Variants in PIGL observed in about 807,000 individuals in gnomAD.
The protein encoded by PIGL is N-acetylglucosaminyl-phosphatidylinositol de-N-acetylase.
PIGL carries 22 observed loss-of-function variants against 31.1 expected under a neutral mutation model. That is an observed-to-expected ratio of 0.71 (90% CI 0.51 to 1.01). PIGL has a LOEUF of 1.01. Among genes scored for constraint, PIGL ranks in the 50% least tolerant of loss-of-function variants. The pLI, the probability that PIGL is intolerant of heterozygous loss-of-function variation, is 0.00. For synonymous variants in PIGL, 131 were observed against 117.4 expected, an observed-to-expected ratio of 1.12 and a Z score of -0.75; for missense variants, 302 against 315.9, an observed-to-expected ratio of 0.96 and a Z score of 0.33.
At chr17:16,251,927 G>A (rs752227201) in intron 2 of PIGL, among the ~76,000 whole-genome samples, 6 of 152,012 alleles carry the variant, frequency 3.9e-5, no homozygotes, top group Non-Finnish European at 5.9e-5. Context: ...ATGTGATTGA[G>A]AAATGCAGCC....
chr17:16,244,034 T>C (rs1026278845), intron 2 of PIGL, among the ~76,000 whole-genome samples: 2 of 152,182 alleles, frequency 1.3e-5, no homozygotes, highest in Non-Finnish European at 2.9e-5. Flanking sequence ...AGTCAGTTCC[T>C]GGGTGGGGGA....
intron 3 of PIGL, among the ~76,000 whole-genome samples, chr17:16,307,709 G>A (rs1248008082): frequency 6.6e-6 from 1 of 152,138 alleles, no homozygotes; most frequent in African/African-American, 2.4e-5. Context: ...TCTTATGCCT[G>A]GAATCCCAGC....
intron 1 of PIGL, among the ~76,000 whole-genome samples, chr17:16,218,772 G>A (rs748424081): frequency 6.8e-6 from 1 of 147,334 alleles, no homozygotes; most frequent in Non-Finnish European, 1.5e-5. Context: ...TCCACCACCC[G>A]GGTTCAAGTG....
At chr17:16,270,878 G>A (rs1011975601) in intron 2 of PIGL, among the ~76,000 whole-genome samples, 1 of 142,174 alleles carries the variant, frequency 7.0e-6, no homozygotes, top group Admixed American at 7.3e-5. Context: ...GTGCGACAGA[G>A]CGAGACTGTC....
intron 2 of PIGL, among the ~76,000 whole-genome samples, chr17:16,284,413 TC>T (rs1014315103): frequency 5.3e-5 from 8 of 152,162 alleles, no homozygotes; most frequent in African/African-American, 1.7e-4. Context: ...CAGCCCCTTC[TC>T]AAAACAAATC....
chr17:16,314,205 G>A (rs891273384), intron 4 of PIGL, among the ~76,000 whole-genome samples: 1 of 152,200 alleles, frequency 6.6e-6, no homozygotes, highest in Admixed American at 6.5e-5. Flanking sequence ...TACAAACATA[G>A]ATGTGTTTCC....
At position 16,268,653 on chromosome 17, in the gene PIGL, T is replaced by C. The variant is rs541030826; in HGVS notation, c.336-31235T>C. Among the ~76,000 whole-genome samples, 3 of 151,884 alleles carry C rather than the reference T, an allele frequency of 2.0e-5. No homozygotes were observed. In the South Asian group the frequency reaches 6.2e-4, roughly 32 times the overall value. ...TTAGTAGAGATGGGGTTTCACCATG[T>C]TGGCCAGGCTGGTCTCGAACTCCTG... is the stretch of plus-strand genomic sequence containing the variant. On this transcript the variant is annotated intron_variant, in intron 2 of 6. Coordinates refer to ENST00000225609, the MANE Select transcript of PIGL (RefSeq NM_004278.4).
intron 3 of PIGL, among the ~76,000 whole-genome samples, chr17:16,304,329 T>C (rs1225504221): frequency 2.6e-5 from 4 of 152,216 alleles, no homozygotes; most frequent in Non-Finnish European, 4.4e-5. Context: ...GCATAAGCTC[T>C]CCACCATCAT....
At chr17:16,281,899 G>A in intron 2 of PIGL, 1 of 331,604 alleles carries the variant, frequency 3.0e-6, no homozygotes, top group Non-Finnish European at 6.7e-6. Context: ...ACATGAAGCA[G>A]GCAAGCCAAA....
chr17:16,276,670 G>A (rs1174193815), intron 2 of PIGL, among the ~76,000 whole-genome samples: 1 of 152,200 alleles, frequency 6.6e-6, no homozygotes, highest in Non-Finnish European at 1.5e-5. Context: ...CTGGGAGGTG[G>A]AGGTTGCAGT....
chr17:16,243,648 A>G (rs1003006533), intron 2 of PIGL, among the ~76,000 whole-genome samples: 3 of 152,194 alleles, frequency 2.0e-5, no homozygotes, highest in African/African-American at 7.2e-5. Flanking sequence ...CTTCCTCCGT[A>G]AACCTCGAAA....
intron 2 of PIGL, among the ~76,000 whole-genome samples, chr17:16,250,918 C>T (rs2092768377): frequency 6.6e-6 from 1 of 152,168 alleles, no homozygotes; most frequent in African/African-American, 2.4e-5. Flanking sequence ...CATGCTTTCA[C>T]AAAGGCAGTC....
intron 2 of PIGL, among the ~76,000 whole-genome samples, chr17:16,243,776 A>G (rs907752833): frequency 2.0e-5 from 3 of 152,310 alleles, no homozygotes; most frequent in African/African-American, 7.2e-5. Context: ...TTAATATTGT[A>G]ACCGCCCAAG....
rs919649260 is a variant in PIGL at position 16,326,257 on chromosome 17, C to G, written c.*359C>G. 2.0e-5 allele frequency: 4 copies of G among 204,176 alleles called. No individual in the cohort carries two copies. Among genetic ancestry groups the G allele is most frequent in the Non-Finnish European group, 3.9e-5 (4 of 102,072 alleles). 12.6% of individuals were successfully genotyped at this position (204,176 alleles called of 1,614,324 possible). ...AACATAAAAGTGCTCTAAAAACACTCCACAGATGTGACTTTTACATTGTTT... is the reference window on the plus strand; with the variant it reads ...AACATAAAAGTGCTCTAAAAACACTGCACAGATGTGACTTTTACATTGTTT... On this transcript the variant is annotated 3_prime_UTR_variant, in exon 7 of 7. Coordinates refer to ENST00000225609, the MANE Select transcript of PIGL (RefSeq NM_004278.4).
At chr17:16,279,379 G>A (rs2092907894) in intron 2 of PIGL, among the ~76,000 whole-genome samples, 1 of 152,194 alleles carries the variant, frequency 6.6e-6, no homozygotes, top group South Asian at 2.1e-4. Flanking sequence ...TTACTGTAAG[G>A]CATAAGATTA....
chr17:16,255,799 C>G (rs1282979800), intron 2 of PIGL, among the ~76,000 whole-genome samples: 1 of 152,208 alleles, frequency 6.6e-6, no homozygotes, highest in Non-Finnish European at 1.5e-5. Flanking sequence ...GGGCACAGTT[C>G]CAGTCCCTGT....
At chr17:16,251,811 A>T (rs1483290336) in intron 2 of PIGL, among the ~76,000 whole-genome samples, 1 of 152,074 alleles carries the variant, frequency 6.6e-6, no homozygotes, top group Non-Finnish European at 1.5e-5. Flanking sequence ...TTTTGCCATG[A>T]CAGTCATTGC....
intron 2 of PIGL, among the ~76,000 whole-genome samples, chr17:16,253,815 C>T (rs1438535475): frequency 1.3e-5 from 2 of 152,048 alleles, no homozygotes; most frequent in Admixed American, 1.3e-4. Context: ...GCATGCTGCA[C>T]ACCAGTAGTT....
At chr17:16,313,400 C>T (rs2093063112) in intron 3 of PIGL, 147 bp from the exon 4 acceptor site, 4 of 676,364 alleles carry the variant, frequency 5.9e-6, no homozygotes, top group Non-Finnish European at 1.1e-5. Flanking sequence ...CTACACACCA[C>T]TGATCTGCTC....
Sources: gnomAD v4.1 joint callset for allele counts (sites outside exome capture counted in the v4.1 genomes callset) on GRCh38, gnomAD v4.1.1 for gene constraint, MANE v1.5 for transcripts, NCBI Gene and HGNC (gene_info 2026-07-23, HGNC 2026-07-21) for gene names.